Variants in SCIMP observed in about 807,000 individuals in gnomAD.
SCIMP encodes SLP adapter and CSK-interacting membrane protein.
Under a neutral mutation model 22.0 loss-of-function variants are expected in SCIMP, and 18 were observed. That is an observed-to-expected ratio of 0.82 (90% CI 0.56 to 1.21). SCIMP has a LOEUF of 1.21. SCIMP is among the 50% of genes most tolerant of loss of function. The pLI is 0.00. For missense variants in SCIMP, 155 were observed against 171.2 expected, an observed-to-expected ratio of 0.91 and a Z score of 0.53; for synonymous variants, 53 against 62.2, an observed-to-expected ratio of 0.85 and a Z score of 0.70.
chr17:5,217,416 TTTATTA>T (rs918997779), intron 3 of SCIMP, among the ~76,000 whole-genome samples: 3 of 151,724 alleles, frequency 2.0e-5, no homozygotes, highest in African/African-American at 4.8e-5. Context: ...GTGTGTTTGT[TTTATTA>T]TTATTATACT....
At chr17:5,216,078 C>T (rs893551698) in intron 3 of SCIMP, among the ~76,000 whole-genome samples, 1 of 152,036 alleles carries the variant, frequency 6.6e-6, no homozygotes, top group African/African-American at 2.4e-5. Flanking sequence ...TGGCATACAC[C>T]TGTAGTCCCA....
chr17:5,221,323 A>T lies in SCIMP; in HGVS notation c.173T>A (p.Leu58Gln), dbSNP rs377191874. 29 of 1,613,520 alleles carry T rather than the reference A, an allele frequency of 1.8e-5. No individual in the cohort carries two copies. In the African/African-American group the frequency reaches 3.6e-4, roughly 20 times the overall value. The change falls in exon 3 of 5, where the codon CTG becomes CAG. Residue 58 changes from leucine (L) to glutamine (Q), a missense_variant. Physicochemically the swap from Leu to Gln is moderately radical, Grantham distance 113 (BLOSUM62 -2). Transcript: ENST00000574081. ...TTCTTCATCTACTTGCTTGTGTTTC[A>T]GGGGCTTGGCAATTTCCCATTTCTT... is the stretch of plus-strand genomic sequence containing the variant. ...RGKKWEIAKP[L>Q]KHKQVDEEKM...
intron 4 of SCIMP, chr17:5,214,282 C>T (rs1038093636): frequency 6.6e-6 from 1 of 152,386 alleles, no homozygotes; most frequent in African/African-American, 2.4e-5. Flanking sequence ...AGGGGACGGG[C>T]GTGGTGTCTC....
chr17:5,219,243 T>G (rs1034148913), intron 3 of SCIMP, among the ~76,000 whole-genome samples: 6 of 151,988 alleles, frequency 3.9e-5, no homozygotes, highest in Non-Finnish European at 7.4e-5. Context: ...CACTTGAACC[T>G]GGGAGGCAGA....
intron 1 of SCIMP, among the ~76,000 whole-genome samples, chr17:5,234,259 G>A (rs913667994): frequency 3.9e-5 from 6 of 151,982 alleles, no homozygotes; most frequent in Admixed American, 6.6e-5. Context: ...CGACAAGAGC[G>A]AAACTCCATC....
At chr17:5,230,994 A>C (rs1342573030) in intron 1 of SCIMP, among the ~76,000 whole-genome samples, 8 of 152,164 alleles carry the variant, frequency 5.3e-5, no homozygotes, top group Non-Finnish European at 1.2e-4. Flanking sequence ...GCAATATTTA[A>C]CTGGACTTCC....
At chr17:5,228,184 T>A (rs1336944739) in intron 1 of SCIMP, among the ~76,000 whole-genome samples, 1 of 150,106 alleles carries the variant, frequency 6.7e-6, no homozygotes, top group Non-Finnish European at 1.5e-5. Context: ...AACAAAATTT[T>A]AAAAATGAAA....
intron 1 of SCIMP, among the ~76,000 whole-genome samples, chr17:5,224,279 C>T (rs751143955): frequency 4.6e-5 from 7 of 151,176 alleles, no homozygotes; most frequent in African/African-American, 1.5e-4. Flanking sequence ...GGACTACAGG[C>T]GCCCACGACC....
At chr17:5,221,218 G>T (rs1016938266) in intron 3 of SCIMP, 69 bp downstream of exon 3, 3 of 1,134,444 alleles carry the variant, frequency 2.6e-6, no homozygotes, top group Non-Finnish European at 4.0e-6. Flanking sequence ...TACGGTAGTG[G>T]AGGGGCAAGG....
chr17:5,213,025 C>CTTTTTTTTTTTTTTTTTTTTTTTT, intron 4 of SCIMP: 2 of 586,328 alleles, frequency 3.4e-6, no homozygotes, highest in Non-Finnish European at 4.3e-6. Flanking sequence ...GTGGTAACTT[C>CTTTTTTTTTTTTTTTTTTTTTTTT]TGAGCTGACA....
At chr17:5,219,576 C>T (rs1448487380) in intron 3 of SCIMP, among the ~76,000 whole-genome samples, 4 of 151,932 alleles carry the variant, frequency 2.6e-5, no homozygotes, top group Admixed American at 1.3e-4. Context: ...TGCAGGGAGC[C>T]GAAATCACGC....
intron 1 of SCIMP, among the ~76,000 whole-genome samples, chr17:5,224,676 C>T (rs953480255): frequency 1.3e-5 from 2 of 151,912 alleles, no homozygotes; most frequent in Non-Finnish European, 2.9e-5. Flanking sequence ...AAGCTAGTCT[C>T]GAACTCCTGA....
intron 1 of SCIMP, among the ~76,000 whole-genome samples, chr17:5,227,283 C>A (rs543281879): frequency 0.017 from 1,979 of 119,548 alleles, 16 homozygotes; most frequent in Non-Finnish European, 0.025. Flanking sequence ...TCTATATACA[C>A]ACACACACAA....
chr17:5,227,292 AACACACACACACAC>A (rs10681110), intron 1 of SCIMP, among the ~76,000 whole-genome samples: 3 of 144,216 alleles, frequency 2.1e-5, no homozygotes, highest in Non-Finnish European at 3.0e-5. Flanking sequence ...ACACACACAC[AACACACACACACAC>A]ACACACACAC....
rs181714399 is a variant in SCIMP, at chr17:5,232,144, C to G, written c.21+2591G>C. Among the ~76,000 whole-genome samples the G allele has an allele frequency of 2.0e-5, 3 of 152,112 alleles. No individual in the cohort carries two copies. The East Asian group carries it at 5.8e-4, about 29-fold the overall frequency. On this transcript the variant is annotated intron_variant, in intron 1 of 4. Transcript: ENST00000574081. ...CCTCATTTGGTATCAAGAGGAGGAG[C>G]TGATAGAAAATGCTCAGGGATGGGC...
intron 1 of SCIMP, among the ~76,000 whole-genome samples, chr17:5,227,348 G>A (rs974690807): frequency 2.0e-5 from 3 of 149,018 alleles, no homozygotes; most frequent in Non-Finnish European, 3.0e-5. Context: ...CAGGTGTGGC[G>A]GCATGTGCCT....
intron 4 of SCIMP, chr17:5,213,078 A>T (rs2074538440): frequency 1.1e-6 from 1 of 937,916 alleles, no homozygotes; most frequent in African/African-American, 2.3e-5. Context: ...GAGCTTAAGG[A>T]AGAACATTCC....
chr17:5,228,616 G>A (rs1273565775), intron 1 of SCIMP, among the ~76,000 whole-genome samples: 1 of 152,106 alleles, frequency 6.6e-6, no homozygotes, highest in African/African-American at 2.4e-5. Flanking sequence ...CTGCACTCCA[G>A]CCTGAGTGAC....
At chr17:5,224,259 C>T (rs766079645) in intron 1 of SCIMP, among the ~76,000 whole-genome samples, 5 of 150,900 alleles carry the variant, frequency 3.3e-5, no homozygotes, top group East Asian at 2.0e-4. Context: ...CTCAGCCTCC[C>T]GAGTAGCTGG....
Sources: gnomAD v4.1 joint callset for allele counts (sites outside exome capture counted in the v4.1 genomes callset) on GRCh38, gnomAD v4.1.1 for gene constraint, MANE v1.5 for transcripts, NCBI Gene and HGNC (gene_info 2026-07-23, HGNC 2026-07-21) for gene names.